The following DLG2 variants were observed in gnomAD, a reference collection of about 807,000 sequenced individuals.
DLG2 encodes the protein discs large MAGUK scaffold protein 2, also known as disks large homolog 2.
In DLG2, 45 loss-of-function variants were observed where a neutral mutation model predicts 132.5. The observed-to-expected ratio is 0.34, with a 90% CI of 0.27 to 0.44. DLG2 has a LOEUF of 0.44. DLG2 is among the 20% of genes least tolerant of loss of function. The pLI is 1.00. For missense variants in DLG2, 1,045 were observed against 1,196.9 expected, an observed-to-expected ratio of 0.87 and a Z score of 1.87; for synonymous variants, 424 against 419.6, an observed-to-expected ratio of 1.01 and a Z score of -0.13.
chr11:85,033,807 T>A (rs2061222213), intron 6 of DLG2, among the ~76,000 whole-genome samples: 1 of 152,224 alleles, frequency 6.6e-6, no homozygotes, highest in African/African-American at 2.4e-5. Context: ...CAATCCTCCA[T>A]GATTATCTGA....
chr11:83,488,187 A>T (rs1267414039), intron 21 of DLG2, among the ~76,000 whole-genome samples: 1 of 152,024 alleles, frequency 6.6e-6, no homozygotes, highest in Admixed American at 6.6e-5. Context: ...GGTGTAAATA[A>T]TTTTTATCTT....
rs570138522 is a variant in DLG2 at position 83,517,381 on chromosome 11, T to A, written c.2193+15327A>T. ...TGGTTTTCAGCTCCGTCAGGTCCTT[T>A]ATGGACTTCTCTGCATTGGTTATTC... On this transcript the variant is annotated intron_variant, in intron 21 of 27. Coordinates refer to ENST00000376104, the MANE Select transcript of DLG2 (RefSeq NM_001142699.3). Among the ~76,000 whole-genome samples the A allele has an allele frequency of 3.3e-5, 5 of 152,352 alleles. No individual in the cohort carries two copies. The East Asian group carries it at 9.6e-4, about 29-fold the overall frequency.
At chr11:83,610,904 C>T (rs1487316547) in intron 19 of DLG2, among the ~76,000 whole-genome samples, 1 of 152,128 alleles carries the variant, frequency 6.6e-6, no homozygotes, top group African/African-American at 2.4e-5. Context: ...CAAATTAAAA[C>T]CCACATCATT....
At chr11:84,965,268 G>A (rs2053158785) in intron 6 of DLG2, among the ~76,000 whole-genome samples, 1 of 151,844 alleles carries the variant, frequency 6.6e-6, no homozygotes. Context: ...TCTCCCAGTG[G>A]CTGGGTTTTT....
At chr11:83,610,473 C>T (rs1008650745) in intron 19 of DLG2, among the ~76,000 whole-genome samples, 3 of 151,984 alleles carry the variant, frequency 2.0e-5, no homozygotes, top group East Asian at 1.9e-4. Flanking sequence ...TGTGATTTGA[C>T]GAGAAGTAAA....
At position 83,459,126 on chromosome 11, in the gene DLG2, C is replaced by A. The variant is rs2089434709; in HGVS notation, c.*692G>T. 2 of 152,572 alleles carry A rather than the reference C, an allele frequency of 1.3e-5. No homozygotes were observed. The highest frequency in any genetic ancestry group is 2.9e-5 in the Non-Finnish European group (2 of 68,020). The allele number at this position is 152,572 out of a possible 1,614,324, so 9.5% of individuals were successfully genotyped here. On this transcript the variant is annotated 3_prime_UTR_variant, in exon 28 of 28. Coordinates refer to ENST00000376104, the MANE Select transcript of DLG2 (RefSeq NM_001142699.3). ...TTTTTATTGTATAAATTATTCTCAT[C>A]TTTAGTGCCTTCTTTCAGTTTATAA...
At chr11:85,427,551 A>T (rs1285369322) in intron 3 of DLG2, among the ~76,000 whole-genome samples, 1 of 152,212 alleles carries the variant, frequency 6.6e-6, no homozygotes, top group Non-Finnish European at 1.5e-5. Flanking sequence ...AGGAGAAACA[A>T]AATCCTTTAC....
intron 7 of DLG2, among the ~76,000 whole-genome samples, chr11:84,421,423 A>T (rs2098950340): frequency 6.6e-6 from 1 of 151,264 alleles, no homozygotes. Context: ...TGAATTTGAA[A>T]CTCTCTGGGT....
chr11:83,486,052 A>T (rs1041632160), intron 21 of DLG2: 2 of 458,488 alleles, frequency 4.4e-6, no homozygotes, highest in Admixed American at 4.1e-5. Context: ...TTCAGAATTT[A>T]TTACTCTGCT....
At position 84,948,689 on chromosome 11, in the gene DLG2, T is replaced by C. The variant is rs558923823; in HGVS notation, c.357+162972A>G. On this transcript the variant is annotated intron_variant, in intron 6 of 27. Transcript: ENST00000376104. Reference sequence around the variant, plus strand: ...CAAGATACTGGAAACAATTTCTTTTTTGGCCACCAATATAAACCTAACCTG... The same window carrying C: ...CAAGATACTGGAAACAATTTCTTTTCTGGCCACCAATATAAACCTAACCTG... Among the ~76,000 whole-genome samples the C allele has an allele frequency of 4.6e-5, 7 of 152,344 alleles. No homozygotes were observed. The East Asian group carries it at 1.3e-3, about 29-fold the overall frequency.
At chr11:84,639,817 A>G (rs2155399) in intron 6 of DLG2, among the ~76,000 whole-genome samples, 142,012 of 152,072 alleles carry the variant, frequency 0.93, 66,430 homozygotes, top group East Asian at 1. Flanking sequence ...TGCTCAGTGT[A>G]CCTCCCACTC....
At chr11:83,957,651 T>A (rs975923465) in intron 14 of DLG2, among the ~76,000 whole-genome samples, 1 of 152,070 alleles carries the variant, frequency 6.6e-6, no homozygotes, top group African/African-American at 2.4e-5. Flanking sequence ...ACCTACACTT[T>A]CTCATTACCT....
chr11:85,294,089 A>G (rs962165242), intron 3 of DLG2, among the ~76,000 whole-genome samples: 1 of 152,112 alleles, frequency 6.6e-6, no homozygotes, highest in African/African-American at 2.4e-5. Flanking sequence ...AAAAATAAAA[A>G]TAAACTGATA....
At chr11:84,626,521 C>CT (rs2099622745) in intron 6 of DLG2, among the ~76,000 whole-genome samples, 1 of 152,092 alleles carries the variant, frequency 6.6e-6, no homozygotes, top group African/African-American at 2.4e-5. Flanking sequence ...ACTCAGAGGT[C>CT]TGAAGGTGGC....
At chr11:83,750,557 T>C (rs567374037) in intron 18 of DLG2, among the ~76,000 whole-genome samples, 1 of 152,306 alleles carries the variant, frequency 6.6e-6, no homozygotes, top group East Asian at 1.9e-4. Context: ...CATTCATCTC[T>C]ACTTTCATCT....
At chr11:85,418,385 A>T (rs1010997449) in intron 3 of DLG2, among the ~76,000 whole-genome samples, 3 of 152,108 alleles carry the variant, frequency 2.0e-5, no homozygotes, top group African/African-American at 4.8e-5. Flanking sequence ...TTTTAGAATA[A>T]GTGTGATGTG....
intron 18 of DLG2, among the ~76,000 whole-genome samples, chr11:83,735,331 T>C (rs774323194): frequency 5.9e-5 from 9 of 152,204 alleles, no homozygotes; most frequent in Non-Finnish European, 8.8e-5. Flanking sequence ...AATTTGGTAT[T>C]ATACCAGGAA....
chr11:83,956,176 A>G (rs1019953277), intron 14 of DLG2, among the ~76,000 whole-genome samples: 1 of 152,028 alleles, frequency 6.6e-6, no homozygotes, highest in Non-Finnish European at 1.5e-5. Flanking sequence ...CGCTCAGTCA[A>G]ATTATCCGCC....
intron 19 of DLG2, among the ~76,000 whole-genome samples, chr11:83,573,494 T>G (rs1310241821): frequency 6.6e-6 from 1 of 152,174 alleles, no homozygotes; most frequent in Non-Finnish European, 1.5e-5. Flanking sequence ...TTCTGATGAA[T>G]AATGCAACCT....
Sources: allele counts gnomAD v4.1 joint callset (sites outside exome capture counted in the v4.1 genomes callset), GRCh38; gene constraint gnomAD v4.1.1; transcripts MANE v1.5; gene names NCBI Gene and HGNC (gene_info 2026-07-23, HGNC 2026-07-21).